The following KCNAB1 variants were observed in gnomAD, a reference collection of about 807,000 sequenced individuals.
The protein encoded by KCNAB1 is voltage-gated potassium channel subunit beta-1.
KCNAB1 carries 35 observed loss-of-function variants against 64.6 expected under a neutral mutation model. The observed-to-expected ratio is 0.54, with a 90% CI of 0.41 to 0.72. The LOEUF is 0.72. KCNAB1 is among the 30% of genes least tolerant of loss of function. The pLI is 0.00. For missense variants in KCNAB1, 401 were observed against 512.9 expected (o/e 0.78, Z 2.11); for synonymous variants, 177 against 183.8 (o/e 0.96, Z 0.30).
chr3:156,143,790 T>A (rs1485547811), intron 1 of KCNAB1, among the ~76,000 whole-genome samples: 7 of 151,392 alleles, frequency 4.6e-5, no homozygotes, highest in African/African-American at 1.7e-4. Flanking sequence ...GAGTAGAATT[T>A]TTTTTTTTAA....
chr3:156,411,410 G>A (rs769154913), intron 1 of KCNAB1, among the ~76,000 whole-genome samples: 2 of 151,624 alleles, frequency 1.3e-5, no homozygotes, highest in African/African-American at 2.4e-5. Flanking sequence ...TCTTTTTTAT[G>A]TCATATCTAA....
At chr3:156,416,172 A>G (rs1372454449) in intron 1 of KCNAB1, among the ~76,000 whole-genome samples, 1 of 152,164 alleles carries the variant, frequency 6.6e-6, no homozygotes, top group Non-Finnish European at 1.5e-5. Context: ...AGGATTAACT[A>G]AGCAGCCATC....
At chr3:156,415,222 G>A (rs1054803621) in intron 1 of KCNAB1, among the ~76,000 whole-genome samples, 1 of 152,140 alleles carries the variant, frequency 6.6e-6, no homozygotes, top group Non-Finnish European at 1.5e-5. Flanking sequence ...CAGATTCAGT[G>A]TTTAAAATAG....
chr3:156,191,464 C>G (rs1362231883), intron 1 of KCNAB1, among the ~76,000 whole-genome samples: 1 of 152,200 alleles, frequency 6.6e-6, no homozygotes, highest in African/African-American at 2.4e-5. Context: ...GCTCTTTCAT[C>G]TTTTGTTCTT....
intron 1 of KCNAB1, among the ~76,000 whole-genome samples, chr3:156,244,927 A>G (rs996574876): frequency 6.6e-5 from 10 of 152,210 alleles, no homozygotes; most frequent in African/African-American, 2.2e-4. Context: ...CCTTTGCATT[A>G]TCGCCTCTAG....
At chr3:156,257,633 G>A (rs1718174446) in intron 1 of KCNAB1, among the ~76,000 whole-genome samples, 1 of 152,150 alleles carries the variant, frequency 6.6e-6, no homozygotes, top group Admixed American at 6.5e-5. Flanking sequence ...ACTATAGGGA[G>A]CACACTTTTC....
At chr3:156,443,776 ACAC>A (rs1453193929) in intron 2 of KCNAB1, among the ~76,000 whole-genome samples, 82 of 143,782 alleles carry the variant, frequency 5.7e-4, no homozygotes, top group East Asian at 2.2e-3. Flanking sequence ...ACACACACAC[ACAC>A]ACTATTCTTT....
intron 1 of KCNAB1, among the ~76,000 whole-genome samples, chr3:156,184,520 G>A (rs1713069328): frequency 1.3e-5 from 2 of 152,194 alleles, no homozygotes; most frequent in Admixed American, 6.5e-5. Context: ...AGTTGCCAGT[G>A]GAGACAGAGG....
intron 1 of KCNAB1, among the ~76,000 whole-genome samples, chr3:156,252,267 G>A (rs1299675543): frequency 6.6e-6 from 1 of 152,210 alleles, no homozygotes; most frequent in African/African-American, 2.4e-5. Context: ...AATGTCATTC[G>A]TAGTAGAACC....
At chr3:156,370,694 A>G (rs1450109) in intron 1 of KCNAB1, among the ~76,000 whole-genome samples, 41,461 of 152,140 alleles carry the variant, frequency 0.27, 7,239 homozygotes, top group African/African-American at 0.5. Context: ...CCTGGATTGT[A>G]TCTCTCCCAC....
intron 1 of KCNAB1, among the ~76,000 whole-genome samples, chr3:156,396,918 C>A (rs926814886): frequency 6.6e-6 from 1 of 152,066 alleles, no homozygotes; most frequent in Non-Finnish European, 1.5e-5. Flanking sequence ...TTAGGACAGG[C>A]GATGTAATGA....
At chr3:156,488,392 C>G (rs73873400) in intron 8 of KCNAB1, among the ~76,000 whole-genome samples, 11,062 of 151,650 alleles carry the variant, frequency 0.073, 771 homozygotes, top group African/African-American at 0.18. Flanking sequence ...TGAGCAAGGA[C>G]TTGAAGAAGT....
chr3:156,313,508 C>T (rs965830709), intron 1 of KCNAB1, among the ~76,000 whole-genome samples: 2 of 152,078 alleles, frequency 1.3e-5, no homozygotes, highest in African/African-American at 2.4e-5. Flanking sequence ...AGACAGAAGG[C>T]GATGTGATGA....
chr3:156,249,147 G>A (rs1717654987), intron 1 of KCNAB1, among the ~76,000 whole-genome samples: 3 of 152,090 alleles, frequency 2.0e-5, no homozygotes, highest in Non-Finnish European at 2.9e-5. Flanking sequence ...AAGTGCTATG[G>A]AGAAAAATAA....
Position 156,120,693 on chromosome 3 carries a change from GTAGCA to G in KCNAB1, c.83_87del (p.Val28GlyfsTer14). The G allele has an allele frequency of 6.2e-7, 1 of 1,614,260 alleles. No individual in the cohort carries two copies. The highest frequency in any genetic ancestry group is 8.5e-7 in the Non-Finnish European group (1 of 1,180,048). On this transcript the variant is annotated frameshift_variant, in exon 1 of 14. Transcript: ENST00000490337. LOFTEE classifies it high-confidence loss of function. ...GTTAAGGAGACAGTCTGGGTTTTCT[GTAGCA>G]GGGAAAGACAAATCTCCCAAGAAAG...
At chr3:156,455,527 T>A (rs1445658796) in intron 3 of KCNAB1, among the ~76,000 whole-genome samples, 1 of 152,094 alleles carries the variant, frequency 6.6e-6, no homozygotes, top group Non-Finnish European at 1.5e-5. Context: ...GAGAGCATAT[T>A]AACATCTTAT....
intron 1 of KCNAB1, among the ~76,000 whole-genome samples, chr3:156,146,741 T>C (rs1715060079): frequency 6.6e-6 from 1 of 152,242 alleles, no homozygotes; most frequent in Admixed American, 6.5e-5. Flanking sequence ...ACTTTATTTA[T>C]GGACACGGAA....
At chr3:156,493,788 G>C (rs897027947) in intron 8 of KCNAB1, among the ~76,000 whole-genome samples, 1 of 152,206 alleles carries the variant, frequency 6.6e-6, no homozygotes, top group Admixed American at 6.5e-5. Context: ...TTCAGTTGGA[G>C]TTTTTCAGGC....
chr3:156,478,555 G>C (rs1284506793), intron 8 of KCNAB1, among the ~76,000 whole-genome samples: 11 of 152,122 alleles, frequency 7.2e-5, no homozygotes. Flanking sequence ...GGGACACTGA[G>C]AGTCTCCAGT....
Sources: allele counts gnomAD v4.1 joint callset (sites outside exome capture counted in the v4.1 genomes callset), GRCh38; gene constraint gnomAD v4.1.1; transcripts MANE v1.5; gene names NCBI Gene and HGNC (gene_info 2026-07-23, HGNC 2026-07-21).